The following ATP8A2 variants were observed in gnomAD, a reference collection of about 807,000 sequenced individuals.
ATP8A2 encodes phospholipid-transporting ATPase IB.
Under a neutral mutation model 165.6 loss-of-function variants are expected in ATP8A2, and 100 were observed. The observed-to-expected ratio is 0.60, with a 90% CI of 0.51 to 0.71. ATP8A2 has a LOEUF of 0.71. ATP8A2 is among the 30% of genes least tolerant of loss of function. The probability of loss-of-function intolerance (pLI) is 0.00; values close to 1 mark genes in which losing one functional copy is unlikely to be tolerated. For synonymous variants in ATP8A2, 543 were observed against 548.8 expected, an observed-to-expected ratio of 0.99 and a Z score of 0.15; for missense variants, 1,227 against 1,479.5, an observed-to-expected ratio of 0.83 and a Z score of 2.80.
intron 24 of ATP8A2, among the ~76,000 whole-genome samples, chr13:25,680,668 G>A (rs2042467176): frequency 6.6e-6 from 1 of 152,218 alleles, no homozygotes; most frequent in African/African-American, 2.4e-5. Context: ...ATGTTCTGGA[G>A]TGTTCTGTAG....
intron 23 of ATP8A2, among the ~76,000 whole-genome samples, chr13:25,586,873 G>A (rs532949160): frequency 3.8e-4 from 58 of 152,292 alleles, no homozygotes; most frequent in African/African-American, 1.1e-3. Context: ...TTTCTAGTGT[G>A]AAGCATTATC....
intron 1 of ATP8A2, among the ~76,000 whole-genome samples, chr13:25,423,481 T>C (rs2034357284): frequency 1.3e-5 from 2 of 152,202 alleles, no homozygotes; most frequent in Admixed American, 6.5e-5. Flanking sequence ...ATGATAGAAT[T>C]CTAAGGGTGG....
intron 35 of ATP8A2, among the ~76,000 whole-genome samples, chr13:25,971,591 A>G (rs1955914483): frequency 6.6e-6 from 1 of 151,954 alleles, no homozygotes; most frequent in Non-Finnish European, 1.5e-5. Flanking sequence ...CTGACTGGCA[A>G]TACCAAAGTC....
At position 25,372,321 on chromosome 13, in the gene ATP8A2, G is replaced by A; in HGVS notation, c.76+33G>A. On this transcript the variant is annotated intron_variant, in intron 1 of 36. Coordinates refer to ENST00000381655, the MANE Select transcript of ATP8A2 (RefSeq NM_016529.6). This position sits in a 1 kb window ranked among gnomAD's most constrained non-coding sequence, Gnocchi z 4.8. ...GGGAGGGGCGCGGCGAGGGAGGGTG[G>A]GCCCGGGGCGGGGGCGGCGCGGGGC... 7.1e-7 allele frequency: 1 copy of A among 1,412,552 alleles called. No individual in the cohort carries two copies. Among genetic ancestry groups the A allele is most frequent in the Admixed American group, 2.7e-5 (1 of 36,900 alleles). The allele number at this position is 1,412,552 out of a possible 1,614,324, so 87.5% of individuals were successfully genotyped here. A position where few individuals can be genotyped will look rare whatever the true frequency, so the allele number is the denominator to read the frequency against.
chr13:25,802,788 C>T (rs1394420934), intron 27 of ATP8A2, among the ~76,000 whole-genome samples: 1 of 152,144 alleles, frequency 6.6e-6, no homozygotes, highest in Non-Finnish European at 1.5e-5. Flanking sequence ...GTTCCACTTC[C>T]CTTTCATTCC....
At chr13:25,682,031 C>T (rs1446570156) in intron 24 of ATP8A2, among the ~76,000 whole-genome samples, 1 of 151,984 alleles carries the variant, frequency 6.6e-6, no homozygotes, top group Admixed American at 6.6e-5. Context: ...AAGAAAAACG[C>T]GTCAGATAGA....
At chr13:25,684,993 C>A (rs1433475414) in intron 24 of ATP8A2, among the ~76,000 whole-genome samples, 1 of 152,150 alleles carries the variant, frequency 6.6e-6, no homozygotes, top group African/African-American at 2.4e-5. Context: ...TTGAATTATA[C>A]CTGAGAAGAA....
intron 30 of ATP8A2, among the ~76,000 whole-genome samples, chr13:25,853,314 C>T (rs1952055637): frequency 6.6e-6 from 1 of 150,962 alleles, no homozygotes; most frequent in Non-Finnish European, 1.5e-5. Flanking sequence ...ATTGCTTGAA[C>T]CCAGAAGGTG....
At chr13:25,385,893 G>C (rs2033022939) in intron 1 of ATP8A2, among the ~76,000 whole-genome samples, 1 of 149,986 alleles carries the variant, frequency 6.7e-6, no homozygotes, top group African/African-American at 2.5e-5. Context: ...AGGTCTCCCT[G>C]TGTTGCCCAG....
Position 26,021,821 on chromosome 13 carries a change from C to T in ATP8A2, c.*1836C>T, listed in dbSNP as rs893420757. Reference sequence around the variant, plus strand: ...CTCTAGAGTCGGAGGATGAGTCAACCCTGTAGGAATGATTGTGCTAAATTA... The same window carrying T: ...CTCTAGAGTCGGAGGATGAGTCAACTCTGTAGGAATGATTGTGCTAAATTA... On this transcript the variant is annotated 3_prime_UTR_variant, in exon 37 of 37. Transcript: ENST00000381655. 3.3e-5 allele frequency: 5 copies of T among 152,284 alleles called. No homozygotes were observed. The highest frequency in any genetic ancestry group is 9.6e-5 in the African/African-American group (4 of 41,538). The allele number at this position is 152,284 out of a possible 1,614,324, so 9.4% of individuals were successfully genotyped here.
At chr13:25,738,743 A>G (rs913261451) in intron 25 of ATP8A2, among the ~76,000 whole-genome samples, 2 of 152,224 alleles carry the variant, frequency 1.3e-5, no homozygotes. Context: ...CTTTTATTTC[A>G]GGCTGACAAC....
chr13:25,765,160 G>C (rs2044465085), intron 25 of ATP8A2, among the ~76,000 whole-genome samples: 1 of 152,142 alleles, frequency 6.6e-6, no homozygotes, highest in Non-Finnish European at 1.5e-5. Context: ...AGTCTCAAAA[G>C]AAAAACTTAT....
At chr13:25,402,018 C>T (rs1409023271) in intron 1 of ATP8A2, among the ~76,000 whole-genome samples, 3 of 152,036 alleles carry the variant, frequency 2.0e-5, no homozygotes, top group South Asian at 4.2e-4. Flanking sequence ...CTGCACCCAG[C>T]CTGGGGCCAT....
At chr13:25,616,055 G>T (rs146549058) in intron 24 of ATP8A2, among the ~76,000 whole-genome samples, 185 of 152,106 alleles carry the variant, frequency 1.2e-3, no homozygotes, top group African/African-American at 3.6e-3. Context: ...AGTTAGTCCT[G>T]CCTCCTGTCT....
chr13:25,558,982 C>A lies in ATP8A2; in HGVS notation c.1273C>A (p.Leu425Ile). 6.2e-7 allele frequency: 1 copy of A among 1,605,130 alleles called. No homozygotes were observed. Among genetic ancestry groups the A allele is most frequent in the East Asian group, 2.2e-5 (1 of 44,702 alleles). The change falls in exon 14 of 37, where the codon CTC becomes ATC. Residue 425 changes from leucine to isoleucine, a missense_variant. Physicochemically the swap from Leu to Ile is conservative, Grantham distance 5. Around this residue, in one of 5 missense-constraint regions of ATP8A2, gnomAD observed 592 missense variants for 785.6 expected, o/e 0.75. Transcript: ENST00000381655. ...LNEELGQVKY[L>I]FSDKTGTLTC... ...TTATTCTTTGGTTTAGGTGAAATAT[C>A]TCTTTTCTGACAAGACTGGAACGCT...
chr13:26,008,428 G>GA (rs1956785389), intron 35 of ATP8A2, among the ~76,000 whole-genome samples: 1 of 152,018 alleles, frequency 6.6e-6, no homozygotes, highest in Admixed American at 6.6e-5. Context: ...GAAGGGGAAT[G>GA]AAAAACATGG....
chr13:25,580,069 A>G, intron 22 of ATP8A2, 122 bp downstream of exon 22: 1 of 1,143,714 alleles, frequency 8.7e-7, no homozygotes, highest in Non-Finnish European at 1.2e-6. Context: ...GTCTTAATGA[A>G]CCGTTAGCTC....
intron 33 of ATP8A2, among the ~76,000 whole-genome samples, chr13:25,921,767 G>A (rs758183636): frequency 1.3e-5 from 2 of 152,096 alleles, no homozygotes; most frequent in African/African-American, 4.8e-5. Context: ...GTGATATGTT[G>A]TAGAACCGTA....
intron 2 of ATP8A2, among the ~76,000 whole-genome samples, chr13:25,498,768 T>A (rs565332403): frequency 2.0e-5 from 3 of 152,324 alleles, no homozygotes; most frequent in African/African-American, 7.2e-5. Flanking sequence ...AACATTTTAT[T>A]TCTGTTAACT....
Sources: allele counts gnomAD v4.1 joint callset (sites outside exome capture counted in the v4.1 genomes callset), GRCh38; gene constraint gnomAD v4.1.1; regional missense constraint gnomAD v4.1.1; non-coding constraint Gnocchi (gnomAD v3.1); transcripts MANE v1.5; gene names NCBI Gene and HGNC (gene_info 2026-07-23, HGNC 2026-07-21).